WDR70: variants seen among roughly 807,000 people sequenced by gnomAD.
WDR70 encodes WD repeat domain 70.
Under a neutral mutation model 88.6 loss-of-function variants are expected in WDR70, and 53 were observed. The observed-to-expected ratio is 0.60, with a 90% CI of 0.48 to 0.75. The LOEUF (loss-of-function observed/expected upper bound fraction) is 0.75, where lower values mean the gene tolerates loss of function less well. Among genes scored for constraint, WDR70 ranks in the 30% least tolerant of loss-of-function variants. WDR70 has a pLI of 0.00. For missense variants in WDR70, 610 were observed against 823.2 expected, an observed-to-expected ratio of 0.74 and a Z score of 3.17; for synonymous variants, 280 against 270.0, an observed-to-expected ratio of 1.04 and a Z score of -0.36.
At chr5:37,461,906 C>T (rs780132268) in intron 7 of WDR70, among the ~76,000 whole-genome samples, 15 of 152,150 alleles carry the variant, frequency 9.9e-5, no homozygotes, top group Non-Finnish European at 2.2e-4. Context: ...ACAGCTGCTT[C>T]CATAAGGGCA....
Position 37,563,086 on chromosome 5 carries a change from C to A in WDR70, c.918-41978C>A, listed in dbSNP as rs1439438303. Among the ~76,000 whole-genome samples the A allele has an allele frequency of 1.3e-3, 97 of 73,894 alleles. 20 individuals carry two copies. Among genetic ancestry groups the A allele is most frequent in the Non-Finnish European group, 2.6e-3 (77 of 29,936 alleles). The allele number at this position is 73,894 out of a possible 152,430, so 48.5% of individuals were successfully genotyped here. ...CTGGCCGGGCGGGGGGCTGACCCCC[C>A]CCGCCTCCCTCCCGGACGGGGCGGC... On this transcript the variant is annotated intron_variant, in intron 9 of 17. Transcript: ENST00000265107.
intron 9 of WDR70, among the ~76,000 whole-genome samples, chr5:37,604,349 A>G (rs577340016): frequency 1.3e-5 from 2 of 152,338 alleles, no homozygotes; most frequent in South Asian, 2.1e-4. Context: ...TTAGGCTTCC[A>G]TAGTTTCTGG....
chr5:37,554,671 CCT>C (rs1742245181), intron 9 of WDR70, among the ~76,000 whole-genome samples: 1 of 104,498 alleles, frequency 9.6e-6, no homozygotes, highest in African/African-American at 4.4e-5. Flanking sequence ...CACGCATGCA[CCT>C]GCACGCACAC....
chr5:37,529,450 T>G (rs1436091317), intron 9 of WDR70, among the ~76,000 whole-genome samples: 1 of 152,182 alleles, frequency 6.6e-6, no homozygotes. Flanking sequence ...TACTCATCCA[T>G]GAGCATGGGG....
intron 10 of WDR70, among the ~76,000 whole-genome samples, chr5:37,652,274 C>T (rs1352346230): frequency 6.6e-6 from 1 of 152,184 alleles, no homozygotes; most frequent in African/African-American, 2.4e-5. Context: ...TCTCTGAGGC[C>T]TCTGTTCAGT....
chr5:37,495,552 G>A (rs1044047995), intron 8 of WDR70, among the ~76,000 whole-genome samples: 3 of 151,926 alleles, frequency 2.0e-5, no homozygotes, highest in Admixed American at 6.6e-5. Flanking sequence ...CTCTCTCAAA[G>A]TATAGCATAT....
intron 9 of WDR70, among the ~76,000 whole-genome samples, chr5:37,581,963 A>G (rs1350185292): frequency 1.3e-5 from 2 of 152,136 alleles, no homozygotes; most frequent in East Asian, 3.9e-4. Context: ...CCTAGCTCTC[A>G]TAGTGCTTCA....
chr5:37,621,659 T>A (rs1744508980), intron 10 of WDR70, among the ~76,000 whole-genome samples: 1 of 152,174 alleles, frequency 6.6e-6, no homozygotes, highest in Non-Finnish European at 1.5e-5. Flanking sequence ...TTGCAAAAAT[T>A]TTCTCCCATT....
intron 9 of WDR70, among the ~76,000 whole-genome samples, chr5:37,547,990 T>C (rs1048640438): frequency 6.6e-6 from 1 of 152,208 alleles, no homozygotes; most frequent in Non-Finnish European, 1.5e-5. Context: ...TTCTTTCTTA[T>C]GGCTGAATAG....
chr5:37,647,605 C>G (rs1339773423), intron 10 of WDR70, among the ~76,000 whole-genome samples: 1 of 152,242 alleles, frequency 6.6e-6, no homozygotes, highest in African/African-American at 2.4e-5. Context: ...ACCCCAAACC[C>G]TGTAATGTGG....
At chr5:37,650,468 TAA>T (rs1256432938) in intron 10 of WDR70, among the ~76,000 whole-genome samples, 1 of 152,122 alleles carries the variant, frequency 6.6e-6, no homozygotes, top group African/African-American at 2.4e-5. Context: ...GACTACTTGG[TAA>T]AGAGTCAGAG....
chr5:37,657,877 C>T (rs1455231789), intron 10 of WDR70, among the ~76,000 whole-genome samples: 1 of 152,172 alleles, frequency 6.6e-6, no homozygotes, highest in African/African-American at 2.4e-5. Flanking sequence ...ATACTTTTGA[C>T]TCCTACATAA....
At chr5:37,389,764 A>G (rs1297816184) in intron 3 of WDR70, among the ~76,000 whole-genome samples, 1 of 152,056 alleles carries the variant, frequency 6.6e-6, no homozygotes, top group African/African-American at 2.4e-5. Flanking sequence ...TCCAGTTTCT[A>G]GCATCAGAGT....
chr5:37,416,557 G>GA (rs1175032247), intron 5 of WDR70, among the ~76,000 whole-genome samples: 2 of 150,492 alleles, frequency 1.3e-5, no homozygotes, highest in Non-Finnish European at 3.0e-5. Flanking sequence ...GGGAGAGGGA[G>GA]AGGGAGAGGG....
At chr5:37,653,075 T>A (rs1261064881) in intron 10 of WDR70, among the ~76,000 whole-genome samples, 1 of 152,140 alleles carries the variant, frequency 6.6e-6, no homozygotes, top group Non-Finnish European at 1.5e-5. Flanking sequence ...TGGCTGTGAG[T>A]TTGTCATAAA....
chr5:37,379,986 C>T (rs1301635144), intron 2 of WDR70, among the ~76,000 whole-genome samples: 1 of 152,028 alleles, frequency 6.6e-6, no homozygotes, highest in Non-Finnish European at 1.5e-5. Flanking sequence ...TAATACCCAT[C>T]AAAAAACTTG....
intron 10 of WDR70, among the ~76,000 whole-genome samples, chr5:37,671,583 A>AT: frequency 6.6e-6 from 1 of 152,230 alleles, no homozygotes; most frequent in South Asian, 2.1e-4. Context: ...TATTTTCTCT[A>AT]TTTTCAGACA....
chr5:37,642,085 C>A (rs1745118683), intron 10 of WDR70, among the ~76,000 whole-genome samples: 1 of 152,146 alleles, frequency 6.6e-6, no homozygotes, highest in Non-Finnish European at 1.5e-5. Flanking sequence ...TATCCTTTAA[C>A]AGTATAAACT....
chr5:37,391,968 T>A, intron 3 of WDR70, 32 bp from the exon 4 acceptor site: 1 of 1,580,082 alleles, frequency 6.3e-7, no homozygotes, highest in Non-Finnish European at 8.6e-7. Flanking sequence ...ACCGTTGGGA[T>A]TTTTTTGTTA....
Sources: allele counts gnomAD v4.1 joint callset (sites outside exome capture counted in the v4.1 genomes callset), GRCh38; gene constraint gnomAD v4.1.1; transcripts MANE v1.5; gene names NCBI Gene and HGNC (gene_info 2026-07-23, HGNC 2026-07-21).